The following MBOAT1 variants were observed in gnomAD, a reference collection of about 807,000 sequenced individuals.
MBOAT1 encodes the protein membrane bound glycerophospholipid O-acyltransferase 1, also known as membrane-bound glycerophospholipid O-acyltransferase 1.
MBOAT1 carries 67 observed loss-of-function variants against 64.4 expected under a neutral mutation model. The ratio of observed to expected loss-of-function variants is 1.04; its 90% CI spans 0.85 to 1.27. The LOEUF is 1.27. Among genes scored for constraint, MBOAT1 ranks in the 50% most tolerant of loss-of-function variants. The pLI is 0.00. For missense variants in MBOAT1, 563 were observed against 604.6 expected (o/e 0.93, Z 0.72); for synonymous variants, 229 against 218.9 (o/e 1.05, Z -0.41).
At chr6:20,192,840 A>G (rs966372592) in intron 1 of MBOAT1, among the ~76,000 whole-genome samples, 3 of 152,070 alleles carry the variant, frequency 2.0e-5, no homozygotes, top group African/African-American at 7.2e-5. Context: ...CTCCAGGCCT[A>G]GATCCCAGCT....
intron 1 of MBOAT1, among the ~76,000 whole-genome samples, chr6:20,200,236 G>A (rs1276041316): frequency 2.6e-5 from 4 of 152,128 alleles, no homozygotes; most frequent in East Asian, 1.9e-4. Flanking sequence ...CCCAACATGC[G>A]CTGAATTGCA....
intron 1 of MBOAT1, among the ~76,000 whole-genome samples, chr6:20,173,648 T>C: frequency 6.6e-6 from 1 of 152,164 alleles, no homozygotes. Flanking sequence ...TATCTTGGAA[T>C]ACCAGGTTTA....
At chr6:20,152,819 G>T (rs1013114632) in intron 1 of MBOAT1, 50 bp from the exon 2 acceptor site, 142 of 1,540,452 alleles carry the variant, frequency 9.2e-5, no homozygotes, top group Middle Eastern at 3.4e-4. Flanking sequence ...TTTCGTCTTG[G>T]TTTTTTTGTT....
At chr6:20,195,386 G>A (rs930573448) in intron 1 of MBOAT1, among the ~76,000 whole-genome samples, 2 of 151,988 alleles carry the variant, frequency 1.3e-5, no homozygotes, top group African/African-American at 4.8e-5. Context: ...TATGACTTTT[G>A]GTTTTTCAGT....
Position 20,112,856 on chromosome 6 carries a change from T to C in MBOAT1, c.1209+20A>G. The C allele has an allele frequency of 6.2e-7, 1 of 1,607,504 alleles. No homozygotes were observed. Among genetic ancestry groups the C allele is most frequent in the East Asian group, 2.2e-5 (1 of 44,762 alleles). ...ATCAGATTACTAAGGGGAAAGACCC[T>C]AGGCCTAAAGCACACTTACCGCTCT... is the stretch of plus-strand genomic sequence containing the variant. On this transcript the variant is annotated intron_variant, in intron 11 of 12. Coordinates refer to ENST00000324607, the MANE Select transcript of MBOAT1 (RefSeq NM_001080480.3).
chr6:20,146,925 C>T (rs750724732), intron 3 of MBOAT1, among the ~76,000 whole-genome samples: 23 of 152,194 alleles, frequency 1.5e-4, no homozygotes, highest in Non-Finnish European at 3.1e-4. Flanking sequence ...ACCGAAATCT[C>T]ATCTTAAATT....
rs113848996 is a variant in MBOAT1, at chr6:20,176,319, C to A, written c.100-23550G>T. Among the ~76,000 whole-genome samples, 1,512 of 152,072 alleles carry A rather than the reference C, an allele frequency of 9.9e-3. 30 individuals carry two copies. Among genetic ancestry groups the A allele is most frequent in the African/African-American group, 0.035 (1,450 of 41,500 alleles). ...AAAATTACAACCTATATCATACAGG[C>A]CAATAGATGGAATGACTGTCTGCAA... On this transcript the variant is annotated intron_variant, in intron 1 of 12. Transcript: ENST00000324607.
rs145673222 is a variant in MBOAT1, at chr6:20,126,661, G to T, written c.570C>A (p.Leu190=). ...GACCAGCTATGACACTCATGAAATT[G>T]AGAAGGTAACTTAAGTATTCCAAAA... ...PSFLEYLSYL[L]NFMSVIAGPC... Residue 190 remains leucine, a synonymous_variant, in exon 7 of 13, where the codon CTC becomes CTA. Transcript: ENST00000324607. 1.1e-5 allele frequency: 18 copies of T among 1,612,626 alleles called. No homozygotes were observed. Among genetic ancestry groups the T allele is most frequent in the Admixed American group, 1.7e-5 (1 of 59,652 alleles).
At chr6:20,193,995 A>G (rs893860306) in intron 1 of MBOAT1, among the ~76,000 whole-genome samples, 4 of 152,218 alleles carry the variant, frequency 2.6e-5, no homozygotes, top group Admixed American at 6.5e-5. Context: ...CTAATCACAA[A>G]CATATAACAG....
chr6:20,182,286 A>G (rs1762531404), intron 1 of MBOAT1, among the ~76,000 whole-genome samples: 1 of 152,192 alleles, frequency 6.6e-6, no homozygotes, highest in African/African-American at 2.4e-5. Context: ...GGCACCTTCT[A>G]CGTGTCCTTA....
chr6:20,126,507 A>G lies in MBOAT1; in HGVS notation c.714+10T>C. ...AGCAAAACCCTATTCTCTAGACACT[A>G]AAAACTTACTGTGGGAGAAGGTTCT... On this transcript the variant is annotated intron_variant, in intron 7 of 12. Transcript: ENST00000324607. 1 of 1,603,252 alleles carries G rather than the reference A, an allele frequency of 6.2e-7. No homozygotes were observed. Among genetic ancestry groups the G allele is most frequent in the Non-Finnish European group, 8.5e-7 (1 of 1,177,186 alleles).
chr6:20,205,238 G>T (rs1763229353), intron 1 of MBOAT1, among the ~76,000 whole-genome samples: 1 of 152,046 alleles, frequency 6.6e-6, no homozygotes, highest in Admixed American at 6.6e-5. Context: ...AAGAAGAAAA[G>T]AAAGAAGAAA....
intron 3 of MBOAT1, among the ~76,000 whole-genome samples, chr6:20,150,977 T>C (rs929274802): frequency 6.6e-6 from 1 of 152,140 alleles, no homozygotes; most frequent in Non-Finnish European, 1.5e-5. Context: ...CTCTTTCACC[T>C]GAGGCCCAAT....
At chr6:20,159,072 T>C (rs934406902) in intron 1 of MBOAT1, among the ~76,000 whole-genome samples, 1 of 152,156 alleles carries the variant, frequency 6.6e-6, no homozygotes, top group Non-Finnish European at 1.5e-5. Context: ...CTTTTGGGTA[T>C]ATGCCCGAGG....
At chr6:20,180,749 T>C (rs191308014) in intron 1 of MBOAT1, among the ~76,000 whole-genome samples, 192 of 152,322 alleles carry the variant, frequency 1.3e-3, no homozygotes, top group African/African-American at 4.3e-3. Context: ...ACTTAGCAAA[T>C]ACCAATTACT....
intron 3 of MBOAT1, among the ~76,000 whole-genome samples, chr6:20,147,779 T>C (rs1210774932): frequency 1.3e-5 from 2 of 152,160 alleles, no homozygotes; most frequent in African/African-American, 4.8e-5. Flanking sequence ...AAAACTATAT[T>C]CCATAGTGTT....
At position 20,120,750 on chromosome 6, in the gene MBOAT1, T is replaced by C. The variant is rs543474447; in HGVS notation, c.908-2210A>G. On this transcript the variant is annotated intron_variant, in intron 8 of 12. Coordinates refer to ENST00000324607, the MANE Select transcript of MBOAT1 (RefSeq NM_001080480.3). ...AACTTGATTCCACAACCTGAGCAGGTAAGAGCCACGCTGAAAGAGGAAAAT... is the reference window on the plus strand; with the variant it reads ...AACTTGATTCCACAACCTGAGCAGGCAAGAGCCACGCTGAAAGAGGAAAAT... Among the ~76,000 whole-genome samples the C allele has an allele frequency of 3.3e-5, 5 of 152,150 alleles. No individual in the cohort carries two copies. The South Asian group carries it at 1.0e-3, about 32-fold the overall frequency.
chr6:20,112,082 A>G (rs1760187602), intron 11 of MBOAT1, among the ~76,000 whole-genome samples: 2 of 151,042 alleles, frequency 1.3e-5, no homozygotes, highest in East Asian at 1.9e-4. Flanking sequence ...CATCCAAAAT[A>G]TGGCTCAACC....
intron 4 of MBOAT1, 102 bp downstream of exon 4, chr6:20,144,118 C>A: frequency 1.3e-6 from 1 of 742,946 alleles, no homozygotes; most frequent in Non-Finnish European, 2.3e-6. Flanking sequence ...CTGATTTAAC[C>A]AAGCACCAAC....
Sources: gnomAD v4.1 joint callset for allele counts (sites outside exome capture counted in the v4.1 genomes callset) on GRCh38, gnomAD v4.1.1 for gene constraint, MANE v1.5 for transcripts, NCBI Gene and HGNC (gene_info 2026-07-23, HGNC 2026-07-21) for gene names.